Variants in MAP2K4 observed in about 807,000 individuals in gnomAD.
MAP2K4 encodes the protein dual specificity mitogen-activated protein kinase kinase 4.
A neutral mutation model predicts 48.5 loss-of-function variants in MAP2K4; 4 were observed. The observed-to-expected ratio is 0.08, with a 90% confidence interval of 0.04 to 0.19. The LOEUF (loss-of-function observed/expected upper bound fraction) is 0.19. MAP2K4 is among the 10% of genes least tolerant of loss of function. The pLI is 1.00. For missense variants in MAP2K4, 258 were observed against 493.3 expected (o/e 0.52, Z 4.52); for synonymous variants, 166 against 173.1 (o/e 0.96, Z 0.32).
intron 7 of MAP2K4, among the ~76,000 whole-genome samples, chr17:12,114,671 C>G (rs528205037): frequency 6.6e-6 from 1 of 151,914 alleles, no homozygotes; most frequent in East Asian, 1.9e-4. Context: ...GGGCTTGTCT[C>G]GATACTAACA....
At chr17:12,037,906 C>CAA (rs1422692656) in intron 1 of MAP2K4, among the ~76,000 whole-genome samples, 25 of 152,124 alleles carry the variant, frequency 1.6e-4, no homozygotes, top group Non-Finnish European at 3.1e-4. Flanking sequence ...TTGTCTTTGA[C>CAA]CTTGGAAATG....
At chr17:12,107,009 G>A (rs1358194845) in intron 4 of MAP2K4, among the ~76,000 whole-genome samples, 7 of 151,964 alleles carry the variant, frequency 4.6e-5, no homozygotes, top group African/African-American at 1.7e-4. Context: ...CTATAAAATG[G>A]TATCAACACA....
intron 2 of MAP2K4, among the ~76,000 whole-genome samples, chr17:12,066,887 C>CT (rs1168845280): frequency 6.6e-6 from 1 of 152,198 alleles, no homozygotes; most frequent in African/African-American, 2.4e-5. Context: ...GACGGGGCTT[C>CT]ACCGTGGTCT....
In MAP2K4 at chr17:12,143,108, A is replaced by G. The variant is rs921854614; in HGVS notation, c.*1848A>G. 8.2e-5 allele frequency: 19 copies of G among 232,834 alleles called. No homozygotes were observed. Among genetic ancestry groups the G allele is most frequent in the Non-Finnish European group, 1.5e-4 (18 of 117,868 alleles). The allele number at this position is 232,834 out of a possible 1,614,324, so 14.4% of individuals were successfully genotyped here. ...CGGTATCCTAAACTTTAGACTTCCC[A>G]CTGTTCTGAAAGGAGACATTGCTCT... On this transcript the variant is annotated 3_prime_UTR_variant, in exon 11 of 11. Transcript: ENST00000353533.
At chr17:12,092,378 T>C (rs898778946) in intron 3 of MAP2K4, among the ~76,000 whole-genome samples, 5 of 152,240 alleles carry the variant, frequency 3.3e-5, no homozygotes, top group African/African-American at 9.6e-5. Flanking sequence ...TTTGTTCTTA[T>C]TGATGTTCAA....
Position 12,079,148 on chromosome 17 carries a change from GTA to G in MAP2K4, c.219-2204_219-2203del, listed in dbSNP as rs1971108671. ...AGTTCATTTGCTTTTAGTATATTTAGTATATTTACAGAATTGTGCATCTGACA... is the reference window on the plus strand; with the variant it reads ...AGTTCATTTGCTTTTAGTATATTTAGTATTTACAGAATTGTGCATCTGACA... On this transcript the variant is annotated intron_variant, in intron 2 of 10. Coordinates refer to ENST00000353533, the MANE Select transcript of MAP2K4 (RefSeq NM_003010.4). 2.8e-5 allele frequency among the ~76,000 whole-genome samples: 4 copies of G among 142,628 alleles called. No individual in the cohort carries two copies. In the South Asian group the frequency reaches 9.8e-4, roughly 35 times the overall value. The allele number at this position is 142,628 out of a possible 152,430, so 93.6% of individuals were successfully genotyped here.
At chr17:12,068,615 C>G (rs554171140) in intron 2 of MAP2K4, among the ~76,000 whole-genome samples, 2 of 151,972 alleles carry the variant, frequency 1.3e-5, no homozygotes, top group Non-Finnish European at 2.9e-5. Context: ...GGTTTAGTTG[C>G]GATTACTGTG....
intron 1 of MAP2K4, among the ~76,000 whole-genome samples, chr17:12,047,545 T>C (rs537673413): frequency 3.3e-4 from 51 of 152,354 alleles, no homozygotes; most frequent in African/African-American, 1.2e-3. Context: ...ATTTCCCTGG[T>C]TTCTAGTTTA....
At chr17:12,068,144 T>C (rs1597433189) in intron 2 of MAP2K4, among the ~76,000 whole-genome samples, 1 of 151,920 alleles carries the variant, frequency 6.6e-6, no homozygotes, top group South Asian at 2.1e-4. Flanking sequence ...ACATGGAGGG[T>C]GACTGAATGA....
chr17:12,055,591 T>C (rs1970261056), intron 2 of MAP2K4, among the ~76,000 whole-genome samples: 2 of 152,034 alleles, frequency 1.3e-5, no homozygotes, highest in South Asian at 4.1e-4. Flanking sequence ...AAGCAAGTGG[T>C]GTAAGGTATG....
At chr17:12,033,379 A>AT (rs1319006568) in intron 1 of MAP2K4, among the ~76,000 whole-genome samples, 2 of 151,750 alleles carry the variant, frequency 1.3e-5, no homozygotes, top group South Asian at 2.1e-4. Flanking sequence ...CTATGTTTAA[A>AT]TTTTTTTTTG....
At chr17:12,027,525 A>G (rs1969293525) in intron 1 of MAP2K4, among the ~76,000 whole-genome samples, 1 of 152,192 alleles carries the variant, frequency 6.6e-6, no homozygotes, top group South Asian at 2.1e-4. Context: ...AAACATTTAA[A>G]AAAAGAGGAA....
chr17:12,048,273 G>A (rs1970028434), intron 1 of MAP2K4, among the ~76,000 whole-genome samples: 1 of 152,102 alleles, frequency 6.6e-6, no homozygotes, highest in Admixed American at 6.5e-5. Flanking sequence ...CATATAACTT[G>A]TTTGTAATTG....
At chr17:12,056,502 C>T (rs12939944) in intron 2 of MAP2K4, among the ~76,000 whole-genome samples, 69,673 of 151,778 alleles carry the variant, frequency 0.46, 16,882 homozygotes, top group East Asian at 0.58. Flanking sequence ...GATTTCTCAT[C>T]CTTTGTTTCT....
chr17:12,098,477 CAA>C (rs59838219), intron 4 of MAP2K4, among the ~76,000 whole-genome samples: 8 of 86,740 alleles, frequency 9.2e-5, no homozygotes, highest in Middle Eastern at 6.3e-3. Context: ...GACTCCATCT[CAA>C]AAAAAAAAAA....
At chr17:12,021,068 C>T (rs1046263976) in intron 1 of MAP2K4, 67 bp downstream of exon 1, 18 of 971,838 alleles carry the variant, frequency 1.9e-5, no homozygotes, top group Non-Finnish European at 2.2e-5. Flanking sequence ...CGCGGCCTGC[C>T]CCAGCGGACG....
At chr17:12,111,603 G>T (rs571218156) in intron 6 of MAP2K4, among the ~76,000 whole-genome samples, 160 of 151,882 alleles carry the variant, frequency 1.1e-3, no homozygotes, top group African/African-American at 3.5e-3. Context: ...GGTACTGCCT[G>T]GGGAGTAGTT....
intron 4 of MAP2K4, among the ~76,000 whole-genome samples, 182 bp from the exon 5 acceptor site, chr17:12,107,608 T>C (rs927367118): frequency 1.3e-5 from 2 of 152,216 alleles, no homozygotes; most frequent in South Asian, 2.1e-4. Flanking sequence ...CTACATTGTT[T>C]ATGTTTAAAC....
intron 1 of MAP2K4, among the ~76,000 whole-genome samples, chr17:12,043,007 A>C (rs1286918236): frequency 6.6e-6 from 1 of 151,842 alleles, no homozygotes; most frequent in African/African-American, 2.4e-5. Flanking sequence ...AGATTGTGCC[A>C]CTGCACCCCA....
Sources: gnomAD v4.1 joint callset for allele counts (sites outside exome capture counted in the v4.1 genomes callset) on GRCh38, gnomAD v4.1.1 for gene constraint, MANE v1.5 for transcripts, NCBI Gene and HGNC (gene_info 2026-07-23, HGNC 2026-07-21) for gene names.